Variants in SEPTIN1 observed in about 807,000 individuals in gnomAD.
SEPTIN1 encodes the protein septin-1.
A neutral mutation model predicts 50.7 loss-of-function variants in SEPTIN1; 52 were observed. The ratio of observed to expected loss-of-function variants is 1.03; its 90% CI spans 0.82 to 1.29. The LOEUF is 1.29. SEPTIN1 is among the 50% of genes most tolerant of loss of function. The probability of loss-of-function intolerance (pLI) is 0.00; values close to 1 mark genes in which losing one functional copy is unlikely to be tolerated. For synonymous variants in SEPTIN1, 204 were observed against 189.1 expected (o/e 1.08, Z -0.65); for missense variants, 455 against 490.7 (o/e 0.93, Z 0.69).
At chr16:30,379,838 C>A in intron 7 of SEPTIN1, 94 bp downstream of exon 7, 2 of 736,426 alleles carry the variant, frequency 2.7e-6, no homozygotes, top group South Asian at 3.3e-5. Context: ...AACTCCTGAC[C>A]TCAGGGGATC....
In SEPTIN1 at chr16:30,382,320, G is replaced by A. The variant is rs755491420; in HGVS notation, c.64C>T (p.Arg22Cys). The part of the protein sequence containing the change: ...GFAALPNQLH[R>C]KSVKKGFDFT... ...TCAAACCCCTTCTTGACAGACTTGC[G>A]GTGCAGCTGGTTGGGGAGGGCAGCA... is the stretch of plus-strand genomic sequence containing the variant. Residue 22 changes from arginine (R) to cysteine (C), a missense_variant, in exon 2 of 11, where the codon CGC becomes TGC. Physicochemically the swap from Arg to Cys is radical, Grantham distance 180. Transcript: ENST00000321367. The surrounding 1 kb of genome is among the most constrained non-coding windows in gnomAD (Gnocchi z 4.8). 2 of 1,613,814 alleles carry A rather than the reference G, an allele frequency of 1.2e-6. No individual in the cohort carries two copies. Among genetic ancestry groups the A allele is most frequent in the Non-Finnish European group, 1.7e-6 (2 of 1,179,830 alleles).
In SEPTIN1 at chr16:30,378,696, G is replaced by C; in HGVS notation, c.946C>G (p.Leu316Val). Reference protein sequence around the residue: ...GARDRASRSKLSRQSATEIPL... With the variant: ...GARDRASRSKVSRQSATEIPL... ...ATCTCTGTGGCGCTCTGGCGGGAAA[G>C]CTTACTGCGGGACAGTGGGAAGGGG... The change falls in exon 10 of 11, where the codon CTT (leucine) becomes GTT (valine). Residue 316 changes from leucine to valine, a missense_variant. By Grantham distance (32) the Leu-to-Val change is conservative. Coordinates refer to ENST00000321367, the MANE Select transcript of SEPTIN1 (RefSeq NM_001365977.2). 6.2e-7 allele frequency: 1 copy of C among 1,607,394 alleles called. No homozygotes were observed. Among genetic ancestry groups the C allele is most frequent in the Non-Finnish European group, 8.5e-7 (1 of 1,179,782 alleles).
chr16:30,380,972 G>T, intron 6 of SEPTIN1, 155 bp downstream of exon 6: 1 of 715,406 alleles, frequency 1.4e-6, no homozygotes. Context: ...ACATGGCTAT[G>T]CTGGCGGCTT....
rs766212898 is a variant in SEPTIN1, at chr16:30,378,624, C to T, written c.1018G>A (p.Glu340Lys). 1 of 1,611,144 alleles carries T rather than the reference C, an allele frequency of 6.2e-7. No individual in the cohort carries two copies. The change falls in exon 10 of 11, where the codon GAG (glutamate) becomes AAG (lysine). Residue 340 changes from glutamate (E) to lysine (K), a missense_variant. Transcript: ENST00000321367. ...PLADTEKLIR[E>K]KDEELRRMQE... ...TGCGTGCTCACCTCTTCGTCTTTCT[C>T]GCGGATCAGCTTCTCGGTGTCCGCC...
At position 30,378,410 on chromosome 16, in the gene SEPTIN1, G is replaced by A. The variant is rs560971700; in HGVS notation, c.*24C>T. 526 of 1,547,210 alleles carry A rather than the reference G, an allele frequency of 3.4e-4. 2 individuals carry two copies. The highest frequency in any genetic ancestry group is 1.4e-3 in the South Asian group (119 of 85,292). On this transcript the variant is annotated 3_prime_UTR_variant, in exon 11 of 11. Coordinates refer to ENST00000321367, the MANE Select transcript of SEPTIN1 (RefSeq NM_001365977.2). The stretch of plus-strand genomic sequence containing the variant: ...AGAGGCCGACTGAAGGCGGAGCCGA[G>A]GTAAGGCCGGGCGGGGCGTGGCCTC...
intron 6 of SEPTIN1, chr16:30,380,888 C>G (rs1454100559): frequency 1.8e-6 from 1 of 569,938 alleles, no homozygotes; most frequent in Non-Finnish European, 3.1e-6. Flanking sequence ...TGTCTATGCT[C>G]CTGCCCTCAA....
chr16:30,378,323 G>A lies in SEPTIN1; in HGVS notation c.*111C>T. ...GGGAGAACCTCCCCCTAGCCCGCGCGAGGGCGGCACCCGCGGAGGTCCCGG... is the reference window on the plus strand; with the variant it reads ...GGGAGAACCTCCCCCTAGCCCGCGCAAGGGCGGCACCCGCGGAGGTCCCGG... On this transcript the variant is annotated 3_prime_UTR_variant, in exon 11 of 11. Transcript: ENST00000321367. The A allele has an allele frequency of 9.3e-7, 1 of 1,075,558 alleles. No individual in the cohort carries two copies. Among genetic ancestry groups the A allele is most frequent in the Middle Eastern group, 2.8e-4 (1 of 3,558 alleles). 66.6% of individuals were successfully genotyped at this position (1,075,558 alleles called of 1,614,324 possible).
In SEPTIN1 at chr16:30,378,148, CTCAGTTTTTATTGAAGACAGAGTCTGGG is replaced by C. The variant is rs570276604; in HGVS notation, c.*258_*285del. 5.6e-6 allele frequency: 4 copies of C among 717,202 alleles called. No homozygotes were observed. The East Asian group carries it at 1.1e-4, about 19-fold the overall frequency. 44.4% of individuals were successfully genotyped at this position (717,202 alleles called of 1,614,324 possible). A position where few individuals can be genotyped will look rare whatever the true frequency, so the allele number is the denominator to read the frequency against. ...AGAAGGCTCGCGTGGCCGCGGGAAGCTCAGTTTTTATTGAAGACAGAGTCTGGGAGAAGAAGGGGGACTCCGGAAGACA... is the reference window on the plus strand; with the variant it reads ...AGAAGGCTCGCGTGGCCGCGGGAAGCAGAAGAAGGGGGACTCCGGAAGACA... On this transcript the variant is annotated 3_prime_UTR_variant, in exon 11 of 11. Coordinates refer to ENST00000321367, the MANE Select transcript of SEPTIN1 (RefSeq NM_001365977.2).
chr16:30,380,006 TCTC>T lies in SEPTIN1; in HGVS notation c.598_600del (p.Glu200del). Reference sequence around the variant, plus strand: ...CATTCGGGGAACTGGTAGATGTGGATCTCCTCTTCCTTCAACTGATCCCGGATC... The same window carrying T: ...CATTCGGGGAACTGGTAGATGTGGATCTCTTCCTTCAACTGATCCCGGATC... On this transcript the variant is annotated inframe_deletion, in exon 7 of 11. Coordinates refer to ENST00000321367, the MANE Select transcript of SEPTIN1 (RefSeq NM_001365977.2). The T allele has an allele frequency of 1.2e-6, 2 of 1,612,786 alleles. No individual in the cohort carries two copies. The highest frequency in any genetic ancestry group is 1.1e-5 in the South Asian group (1 of 90,900).
Position 30,378,468 on chromosome 16 carries a change from C to A in SEPTIN1, c.1085G>T (p.Ser362Ile), listed in dbSNP as rs368548834. The A allele has an allele frequency of 6.3e-7, 1 of 1,577,014 alleles. No homozygotes were observed. Residue 362 changes from serine (S) to isoleucine (I), a missense_variant, in exon 11 of 11, where the codon AGC (serine) becomes ATC (isoleucine). By Grantham distance (142) the Ser-to-Ile change is moderately radical. Transcript: ENST00000321367. ...LEKMQAQMQQ[S>I]QAQGEQSDAL ...GTCTGACTGCTCGCCCTGGGCCTGG[C>A]TCTGCTGCATTTGGGCCTGCATCTT...
chr16:30,380,134 CAGAGAG>C (rs1197485441), intron 6 of SEPTIN1, 101 bp from the exon 7 acceptor site: 8 of 932,326 alleles, frequency 8.6e-6, no homozygotes, highest in East Asian at 3.0e-5. Flanking sequence ...TGGTCAGAGA[CAGAGAG>C]AAAGACATGA....
At chr16:30,379,402 C>G (rs754922578) in intron 8 of SEPTIN1, 33 bp downstream of exon 8, 7 of 1,581,618 alleles carry the variant, frequency 4.4e-6, no homozygotes, top group Non-Finnish European at 6.1e-6. Context: ...GGGCTCCCTG[C>G]TGGCCTTAGG....
At position 30,378,230 on chromosome 16, in the gene SEPTIN1, C is replaced by A. The variant is rs758057068; in HGVS notation, c.*204G>T. On this transcript the variant is annotated 3_prime_UTR_variant, in exon 11 of 11. Coordinates refer to ENST00000321367, the MANE Select transcript of SEPTIN1 (RefSeq NM_001365977.2). ...ATGCGGTCGGAGATTGTGCAGGCCC[C>A]GGGCCGGGAAGTGGGCGGTGTCTGG... is the stretch of plus-strand genomic sequence containing the variant. The A allele has an allele frequency of 4.5e-6, 3 of 667,464 alleles. No homozygotes were observed. In the African/African-American group the frequency reaches 5.5e-5, roughly 12 times the overall value. The allele number at this position is 667,464 out of a possible 1,614,324, so 41.3% of individuals were successfully genotyped here.
chr16:30,379,919 T>C lies in SEPTIN1; in HGVS notation c.675+13A>G. On this transcript the variant is annotated intron_variant, in intron 7 of 10. Transcript: ENST00000321367. ...ACCGTGCCCGGCCTGCCTTCCTTCT[T>C]TGTTTCCCACACCTTCATCTCTGCA... The C allele has an allele frequency of 6.9e-7, 1 of 1,444,006 alleles. No individual in the cohort carries two copies. 89.4% of individuals were successfully genotyped at this position (1,444,006 alleles called of 1,614,324 possible).
Position 30,378,329 on chromosome 16 carries a change from G to A in SEPTIN1, c.*105C>T, listed in dbSNP as rs925878511. The A allele has an allele frequency of 1.8e-6, 2 of 1,125,690 alleles. No homozygotes were observed. Among genetic ancestry groups the A allele is most frequent in the African/African-American group, 3.2e-5 (2 of 63,330 alleles). The allele number at this position is 1,125,690 out of a possible 1,614,324, so 69.7% of individuals were successfully genotyped here. ...ACCTCCCCCTAGCCCGCGCGAGGGC[G>A]GCACCCGCGGAGGTCCCGGGGGGCG... On this transcript the variant is annotated 3_prime_UTR_variant, in exon 11 of 11. Transcript: ENST00000321367.
At position 30,381,093 on chromosome 16, in the gene SEPTIN1, C is replaced by T. The variant is rs2049840642; in HGVS notation, c.573+34G>A. The T allele has an allele frequency of 5.2e-6, 8 of 1,542,170 alleles. No individual in the cohort carries two copies. The highest frequency in any genetic ancestry group is 7.2e-6 in the Non-Finnish European group (8 of 1,114,168). On this transcript the variant is annotated intron_variant, in intron 6 of 10. Coordinates refer to ENST00000321367, the MANE Select transcript of SEPTIN1 (RefSeq NM_001365977.2). The surrounding 1 kb of genome is among the most constrained non-coding windows in gnomAD (Gnocchi z 4.3). ...TAAGCTGAAATCAGGTTTGGCTTCA[C>T]ATGGGGTCAAAGGTCAGAGGTCATC... is the stretch of plus-strand genomic sequence containing the variant.
Position 30,378,517 on chromosome 16 carries a change from G to A in SEPTIN1, c.1036C>T (p.Arg346Cys), listed in dbSNP as rs1229690379. 3 of 1,585,976 alleles carry A rather than the reference G, an allele frequency of 1.9e-6. No individual in the cohort carries two copies. Among genetic ancestry groups the A allele is most frequent in the African/African-American group, 1.4e-5 (1 of 73,706 alleles). The change falls in exon 11 of 11, where the codon CGC becomes TGC. Residue 346 changes from arginine (R) to cysteine (C), a missense_variant. Coordinates refer to ENST00000321367, the MANE Select transcript of SEPTIN1 (RefSeq NM_001365977.2). ...KLIREKDEELRRMQEMLEKMQ... is the reference protein window; with the variant it reads ...KLIREKDEELCRMQEMLEKMQ... Reference sequence around the variant, plus strand: ...TTCTCCAGCATCTCTTGCATGCGGCGCAGCTGTGCAGGGCGAGATTGCAGG... The same window carrying A: ...TTCTCCAGCATCTCTTGCATGCGGCACAGCTGTGCAGGGCGAGATTGCAGG...
Position 30,381,379 on chromosome 16 carries a change from C to T in SEPTIN1, c.415G>A (p.Val139Ile). ...GAGATGAAGTAGAGGCAGCAGTGGA[C>T]TCGGGAGTCCTGGATGTTCTTCCGG... Reference protein sequence around the residue: ...LNRKNIQDSRVHCCLYFISPF... With the variant: ...LNRKNIQDSRIHCCLYFISPF... The change falls in exon 5 of 11, where the codon GTC (valine) becomes ATC (isoleucine). Residue 139 changes from valine (V) to isoleucine (I), a missense_variant. By Grantham distance (29) the Val-to-Ile change is conservative. Coordinates refer to ENST00000321367, the MANE Select transcript of SEPTIN1 (RefSeq NM_001365977.2). This position sits in a 1 kb window ranked among gnomAD's most constrained non-coding sequence, Gnocchi z 4.3. 6.2e-7 allele frequency: 1 copy of T among 1,613,474 alleles called. No homozygotes were observed. The highest frequency in any genetic ancestry group is 8.5e-7 in the Non-Finnish European group (1 of 1,179,864).
At chr16:30,380,119 C>G in intron 6 of SEPTIN1, 86 bp from the exon 7 acceptor site, 1 of 1,132,076 alleles carries the variant, frequency 8.8e-7, no homozygotes, top group East Asian at 2.7e-5. Flanking sequence ...CACAGAGATA[C>G]TGGGTGGTCA....
Sources: gnomAD v4.1 joint callset for allele counts on GRCh38, gnomAD v4.1.1 for gene constraint, Gnocchi (gnomAD v3.1) non-coding constraint, MANE v1.5 for transcripts, NCBI Gene and HGNC (gene_info 2026-07-23, HGNC 2026-07-21) for gene names.